OLFM3: variants seen among roughly 807,000 people sequenced by gnomAD.
OLFM3 encodes noelin-3.
In OLFM3, 20 loss-of-function variants were observed where a neutral mutation model predicts 48.6. That is an observed-to-expected ratio of 0.41 (90% CI 0.29 to 0.60). The LOEUF (loss-of-function observed/expected upper bound fraction) is 0.60, where lower values mean the gene tolerates loss of function less well. OLFM3 is among the 20% of genes least tolerant of loss of function. OLFM3 has a pLI of 0.28. For missense variants in OLFM3, 437 were observed against 544.3 expected (o/e 0.80, Z 1.96); for synonymous variants, 222 against 198.1 (o/e 1.12, Z -1.01).
chr1:101,839,277 A>G (rs1355342135), intron 1 of OLFM3, among the ~76,000 whole-genome samples: 1 of 152,154 alleles, frequency 6.6e-6, no homozygotes, highest in Non-Finnish European at 1.5e-5. Flanking sequence ...GGATGGAAAG[A>G]TGTACTTAGA....
intron 1 of OLFM3, among the ~76,000 whole-genome samples, chr1:101,981,818 C>G (rs541020349): frequency 6.6e-6 from 1 of 152,046 alleles, no homozygotes; most frequent in South Asian, 2.1e-4. Context: ...GAACTTTTGC[C>G]TCAATTTTAG....
chr1:101,866,243 A>T (rs1656850835), intron 1 of OLFM3, among the ~76,000 whole-genome samples: 1 of 152,160 alleles, frequency 6.6e-6, no homozygotes, highest in Non-Finnish European at 1.5e-5. Flanking sequence ...TGGAATTAGA[A>T]GATCACTACT....
intron 1 of OLFM3, among the ~76,000 whole-genome samples, chr1:101,866,048 G>A (rs1043602806): frequency 1.1e-4 from 16 of 152,098 alleles, no homozygotes; most frequent in Non-Finnish European, 2.2e-4. Flanking sequence ...ATCAGCTGAA[G>A]GAATCTATCA....
intron 4 of OLFM3, among the ~76,000 whole-genome samples, chr1:101,817,568 A>G (rs1045419129): frequency 1.3e-5 from 2 of 152,058 alleles, no homozygotes; most frequent in Admixed American, 6.6e-5. Context: ...AGTTGTTTGG[A>G]CTAACGAAGT....
chr1:101,938,406 A>T (rs1271875841), intron 1 of OLFM3, among the ~76,000 whole-genome samples: 1 of 152,148 alleles, frequency 6.6e-6, no homozygotes, highest in African/African-American at 2.4e-5. Flanking sequence ...AGTCCCCTGA[A>T]ATGCATGCAT....
intron 1 of OLFM3, among the ~76,000 whole-genome samples, chr1:101,965,168 A>T (rs17435011): frequency 0.24 from 36,065 of 152,134 alleles, 4,660 homozygotes; most frequent in Middle Eastern, 0.33. Flanking sequence ...GAATTTCCTC[A>T]GTAACAGTGC....
chr1:101,996,913 A>G lies in OLFM3; in HGVS notation c.-97T>C. 1 of 1,315,398 alleles carries G rather than the reference A, an allele frequency of 7.6e-7. No individual in the cohort carries two copies. Among genetic ancestry groups the G allele is most frequent in the Non-Finnish European group, 1.1e-6 (1 of 919,528 alleles). The allele number at this position is 1,315,398 out of a possible 1,614,324, so 81.5% of individuals were successfully genotyped here. On this transcript the variant is annotated 5_prime_UTR_variant, in exon 1 of 6. Transcript: ENST00000370103. ...TCGTCAGTTGCACTTTCTGCCTGCC[A>G]GTCAGAGCCGAGTGGAAGCAGAGGC...
At position 101,835,868 on chromosome 1, in the gene OLFM3, A is replaced by G. The variant is rs537831056; in HGVS notation, c.216+1011T>C. On this transcript the variant is annotated intron_variant, in intron 2 of 5. Transcript: ENST00000370103. ...TAGAGCATCAATATACTTGCAAATA[A>G]TATATACAGAGGAAACTTATTTTCA... 4.6e-5 allele frequency among the ~76,000 whole-genome samples: 7 copies of G among 152,342 alleles called. No individual in the cohort carries two copies. The South Asian group carries it at 1.0e-3, about 23-fold the overall frequency.
At chr1:101,943,530 C>G (rs556746614) in intron 1 of OLFM3, among the ~76,000 whole-genome samples, 1 of 152,252 alleles carries the variant, frequency 6.6e-6, no homozygotes, top group Admixed American at 6.5e-5. Context: ...AAAAAATATA[C>G]AAGTTAAACA....
intron 4 of OLFM3, among the ~76,000 whole-genome samples, chr1:101,807,556 A>G (rs1199239762): frequency 6.6e-6 from 1 of 151,788 alleles, no homozygotes; most frequent in Non-Finnish European, 1.5e-5. Context: ...TTTTCTCTAT[A>G]TGTGCTTCTT....
At chr1:101,980,085 G>A (rs547707662) in intron 1 of OLFM3, among the ~76,000 whole-genome samples, 1 of 152,282 alleles carries the variant, frequency 6.6e-6, no homozygotes, top group Admixed American at 6.5e-5. Flanking sequence ...TTTGGAATGG[G>A]AGAATTTATC....
At chr1:101,909,135 C>T (rs1658658734) in intron 1 of OLFM3, among the ~76,000 whole-genome samples, 1 of 152,164 alleles carries the variant, frequency 6.6e-6, no homozygotes, top group South Asian at 2.1e-4. Context: ...TCACTCTGCC[C>T]TGGGGCTTCT....
At chr1:101,815,191 A>AG (rs2100877272) in intron 4 of OLFM3, among the ~76,000 whole-genome samples, 1 of 152,314 alleles carries the variant, frequency 6.6e-6, no homozygotes, top group Admixed American at 6.5e-5. Flanking sequence ...TCTCATTAAA[A>AG]GGTTATCAGT....
intron 1 of OLFM3, among the ~76,000 whole-genome samples, chr1:101,918,117 A>T (rs1015916190): frequency 6.6e-6 from 1 of 152,222 alleles, no homozygotes; most frequent in African/African-American, 2.4e-5. Flanking sequence ...TTCAACGATC[A>T]TTTATTGAAC....
intron 1 of OLFM3, among the ~76,000 whole-genome samples, chr1:101,941,714 G>A (rs1659800626): frequency 1.3e-5 from 2 of 152,220 alleles, no homozygotes; most frequent in South Asian, 2.1e-4. Context: ...TTTAACTCAG[G>A]TATCTCTTTA....
rs1557689307 is a variant in OLFM3 at position 101,824,671 on chromosome 1, AAC to A, written c.592+353_592+354del. 1.9e-3 allele frequency among the ~76,000 whole-genome samples: 289 copies of A among 151,796 alleles called. 1 individual carries two copies. The highest frequency in any genetic ancestry group is 6.5e-3 in the African/African-American group (269 of 41,498). On this transcript the variant is annotated intron_variant, in intron 4 of 5. Transcript: ENST00000370103. ...CAACAACAACAACAACAACAACAAC[AAC>A]AACAACAACAAAAAACAGTTTCTTT...
chr1:101,946,707 G>A (rs1423669325), intron 1 of OLFM3, among the ~76,000 whole-genome samples: 1 of 152,094 alleles, frequency 6.6e-6, no homozygotes, highest in Admixed American at 6.6e-5. Flanking sequence ...AAAGATTAAG[G>A]ATATAGCTCC....
chr1:101,891,886 T>A (rs1658013068), intron 1 of OLFM3, among the ~76,000 whole-genome samples: 1 of 152,004 alleles, frequency 6.6e-6, no homozygotes, highest in Non-Finnish European at 1.5e-5. Context: ...AATTGCCATT[T>A]TTAAAAAATA....
intron 4 of OLFM3, among the ~76,000 whole-genome samples, chr1:101,822,967 A>T (rs953378454): frequency 3.3e-5 from 5 of 152,012 alleles, no homozygotes; most frequent in African/African-American, 7.2e-5. Context: ...CTCAAATAGG[A>T]TGTGGCTAAA....
Sources: allele counts gnomAD v4.1 joint callset (sites outside exome capture counted in the v4.1 genomes callset), GRCh38; gene constraint gnomAD v4.1.1; transcripts MANE v1.5; gene names NCBI Gene and HGNC (gene_info 2026-07-23, HGNC 2026-07-21).